AGBL1: variants seen among roughly 807,000 people sequenced by gnomAD.
AGBL1 encodes the protein AGBL carboxypeptidase 1.
A neutral mutation model predicts 118.9 loss-of-function variants in AGBL1; 130 were observed. That is an observed-to-expected ratio of 1.09 (90% CI 0.95 to 1.26). The LOEUF (loss-of-function observed/expected upper bound fraction) is 1.26. AGBL1 is among the 50% of genes most tolerant of loss of function. The pLI is 0.00. For synonymous variants in AGBL1, 555 were observed against 478.9 expected, an observed-to-expected ratio of 1.16 and a Z score of -2.08; for missense variants, 1,584 against 1,298.1, an observed-to-expected ratio of 1.22 and a Z score of -3.38.
At chr15:86,483,547 G>C (rs2082678011) in intron 18 of AGBL1, among the ~76,000 whole-genome samples, 1 of 152,132 alleles carries the variant, frequency 6.6e-6, no homozygotes, top group African/African-American at 2.4e-5. Flanking sequence ...TCTTGACCAA[G>C]AGGGTGTCCC....
chr15:86,673,991 T>C (rs2085791607), intron 21 of AGBL1, among the ~76,000 whole-genome samples: 1 of 152,110 alleles, frequency 6.6e-6, no homozygotes, highest in African/African-American at 2.4e-5. Context: ...GGGTACAGAT[T>C]CCTGGATCTC....
chr15:86,503,037 G>A (rs1473942047), intron 18 of AGBL1, among the ~76,000 whole-genome samples: 1 of 151,504 alleles, frequency 6.6e-6, no homozygotes, highest in Non-Finnish European at 1.5e-5. Flanking sequence ...CTGAGGCCAT[G>A]CAGAATTCAC....
intron 1 of AGBL1, among the ~76,000 whole-genome samples, chr15:86,118,632 A>T (rs1233559231): frequency 6.6e-6 from 1 of 152,154 alleles, no homozygotes; most frequent in Non-Finnish European, 1.5e-5. Flanking sequence ...ATTCATAATA[A>T]ATAAGAATGC....
At chr15:86,225,883 G>C (rs1386446233) in intron 6 of AGBL1, among the ~76,000 whole-genome samples, 2 of 152,154 alleles carry the variant, frequency 1.3e-5, no homozygotes, top group Admixed American at 1.3e-4. Flanking sequence ...CAGAGAGAAA[G>C]AGCCAAATCA....
chr15:86,295,116 T>G (rs773399579), intron 16 of AGBL1, 139 bp from the exon 17 acceptor site: 1 of 961,928 alleles, frequency 1.0e-6, no homozygotes, highest in Non-Finnish European at 1.5e-6. Flanking sequence ...CCCCTTTTAA[T>G]CACTCAAGGC....
intron 17 of AGBL1, among the ~76,000 whole-genome samples, chr15:86,310,254 C>T (rs1476930508): frequency 6.6e-6 from 1 of 152,164 alleles, no homozygotes; most frequent in East Asian, 1.9e-4. Context: ...CTTTGTATTT[C>T]TGTGGTATCA....
chr15:86,743,714 G>A (rs568700565), intron 22 of AGBL1, among the ~76,000 whole-genome samples: 10 of 152,184 alleles, frequency 6.6e-5, no homozygotes, highest in African/African-American at 1.7e-4. Context: ...ATTCTGATGC[G>A]GATGATCCCT....
At chr15:86,900,424 T>TCAGAAAACTCCTCAGCCTGCTTGG (rs2080194646) in intron 22 of AGBL1, among the ~76,000 whole-genome samples, 1 of 152,192 alleles carries the variant, frequency 6.6e-6, no homozygotes, top group Non-Finnish European at 1.5e-5. Flanking sequence ...TTAGTAATTT[T>TCAGAAAACTCCTCAGCCTGCTTGG]CAGAAAACTC....
intron 22 of AGBL1, among the ~76,000 whole-genome samples, chr15:86,835,477 G>T (rs1451190041): frequency 2.0e-5 from 3 of 152,126 alleles, no homozygotes; most frequent in African/African-American, 7.2e-5. Flanking sequence ...TTCTAGCGTG[G>T]CATAGACCAG....
chr15:86,741,327 C>A (rs1405251529), intron 22 of AGBL1, among the ~76,000 whole-genome samples: 1 of 128,220 alleles, frequency 7.8e-6, no homozygotes, highest in East Asian at 2.6e-4. Context: ...GGCAGAAACA[C>A]TGAGCCTGTA....
At chr15:86,998,177 G>C (rs566269534) in intron 24 of AGBL1, among the ~76,000 whole-genome samples, 1 of 152,208 alleles carries the variant, frequency 6.6e-6, no homozygotes, top group East Asian at 1.9e-4. Flanking sequence ...ATCTAGTCTA[G>C]TGACTTGCTG....
chr15:86,904,338 TA>T (rs1287278327), intron 22 of AGBL1, among the ~76,000 whole-genome samples: 5 of 151,526 alleles, frequency 3.3e-5, no homozygotes, highest in Non-Finnish European at 5.9e-5. Context: ...AGTGTCTTCT[TA>T]TTTTTTTAGT....
At chr15:86,296,338 G>T (rs2079640660) in intron 17 of AGBL1, 1 of 152,166 alleles carries the variant, frequency 6.6e-6, no homozygotes, top group Non-Finnish European at 1.5e-5. Flanking sequence ...ATCCCCAGAA[G>T]ATACTGCCTT....
chr15:86,457,407 G>A lies in AGBL1; in HGVS notation c.2555+59861G>A, dbSNP rs559226235. ...TCGCAGCCTCTGCACCCAAGACCCC[G>A]CTGGGAGCCAATTTTAATACCTGAA... On this transcript the variant is annotated intron_variant, in intron 18 of 22. Transcript: ENST00000614907. Among the ~76,000 whole-genome samples the A allele has an allele frequency of 1.3e-3, 196 of 152,264 alleles. 1 individual carries two copies. Among genetic ancestry groups the A allele is most frequent in the Non-Finnish European group, 2.2e-3 (152 of 68,006 alleles).
Position 86,212,250 on chromosome 15 carries a change from T to C in AGBL1, c.489-12664T>C, listed in dbSNP as rs377502905. ...ATATTTGCTGTCCTCAAAGAGCTTC[T>C]AGACTAATGTGAAGTCAGATACATA... is the stretch of plus-strand genomic sequence containing the variant. On this transcript the variant is annotated intron_variant, in intron 5 of 22. Coordinates refer to ENST00000614907, the MANE Select transcript of AGBL1 (RefSeq NM_001386094.1). Among the ~76,000 whole-genome samples the C allele has an allele frequency of 1.5e-3, 222 of 152,372 alleles. 3 individuals carry two copies. The South Asian group carries it at 0.045, about 31-fold the overall frequency.
At chr15:86,867,172 G>A (rs1025413382) in intron 22 of AGBL1, among the ~76,000 whole-genome samples, 1 of 152,010 alleles carries the variant, frequency 6.6e-6, no homozygotes, top group Non-Finnish European at 1.5e-5. Context: ...GGGGGTGGGG[G>A]AATTGTATTT....
chr15:86,447,625 G>A (rs1193417192), intron 18 of AGBL1, among the ~76,000 whole-genome samples: 1 of 152,152 alleles, frequency 6.6e-6, no homozygotes, highest in Non-Finnish European at 1.5e-5. Context: ...CCACACTGAG[G>A]AAACCTTGCT....
intron 1 of AGBL1, among the ~76,000 whole-genome samples, chr15:86,118,974 A>G (rs1371892576): frequency 6.6e-6 from 1 of 152,198 alleles, no homozygotes; most frequent in Non-Finnish European, 1.5e-5. Context: ...GTGGGTGAGT[A>G]TTATGTAATA....
chr15:86,185,001 G>T (rs1454574289), intron 5 of AGBL1, among the ~76,000 whole-genome samples: 1 of 152,118 alleles, frequency 6.6e-6, no homozygotes, highest in Non-Finnish European at 1.5e-5. Context: ...GAAAATGTTT[G>T]CAGTCTACTC....
Sources: allele counts gnomAD v4.1 joint callset (sites outside exome capture counted in the v4.1 genomes callset), GRCh38; gene constraint gnomAD v4.1.1; transcripts MANE v1.5; gene names NCBI Gene and HGNC (gene_info 2026-07-23, HGNC 2026-07-21).